Variants in CEP95 observed in about 807,000 individuals in gnomAD.
CEP95 encodes the protein centrosomal protein 95.
A neutral mutation model predicts 111.2 loss-of-function variants in CEP95; 98 were observed. The ratio of observed to expected loss-of-function variants is 0.88; its 90% CI spans 0.75 to 1.04. The LOEUF is 1.04. Ranked by LOEUF, CEP95 falls within the 50% of genes least tolerant of loss-of-function variation. The probability of loss-of-function intolerance (pLI) is 0.00; values close to 1 mark genes in which losing one functional copy is unlikely to be tolerated. For missense variants in CEP95, 1,027 were observed against 977.2 expected, an observed-to-expected ratio of 1.05 and a Z score of -0.68; for synonymous variants, 323 against 327.1, an observed-to-expected ratio of 0.99 and a Z score of 0.14.
At position 64,519,359 on chromosome 17, in the gene CEP95, A is replaced by G; in HGVS notation, c.512A>G (p.Asp171Gly). 1.2e-6 allele frequency: 2 copies of G among 1,613,738 alleles called. No individual in the cohort carries two copies. The highest frequency in any genetic ancestry group is 1.7e-6 in the Non-Finnish European group (2 of 1,179,704). The change falls in exon 6 of 20, where the codon GAT becomes GGT. Residue 171 changes from aspartate (D) to glycine (G), a missense_variant. Transcript: ENST00000556440. ...LSSEMLGPSW[D>G]GDEAESTGEI... is the part of the protein sequence containing the mutation. ...TCTGAGATGTTGGGCCCCTCTTGGG[A>G]TGGAGATGAAGCAGAATCCACTGGT... is the stretch of plus-strand genomic sequence containing the variant.
intron 10 of CEP95, 183 bp from the exon 11 acceptor site, chr17:64,526,928 C>G: frequency 2.2e-6 from 1 of 460,932 alleles, no homozygotes. Context: ...CCACTGCACT[C>G]CAGCCTGGGT....
chr17:64,507,029 A>C lies in CEP95; in HGVS notation c.-69A>C. 1 of 1,541,074 alleles carries C rather than the reference A, an allele frequency of 6.5e-7. No homozygotes were observed. Among genetic ancestry groups the C allele is most frequent in the South Asian group, 1.2e-5 (1 of 83,836 alleles). On this transcript the variant is annotated 5_prime_UTR_variant, in exon 1 of 20. Coordinates refer to ENST00000556440, the MANE Select transcript of CEP95 (RefSeq NM_138363.3). The stretch of plus-strand genomic sequence containing the variant: ...GCGCCCCAGTGTCGGGTCTGCGTGG[A>C]TCGGTCCTTCCAGGACACCGTCGCC...
chr17:64,517,465 A>G (rs1555676640), intron 5 of CEP95, among the ~76,000 whole-genome samples: 1 of 152,158 alleles, frequency 6.6e-6, no homozygotes, highest in East Asian at 1.9e-4. Flanking sequence ...ATTTTGTTAA[A>G]TTTTTTAGTC....
chr17:64,508,343 T>G (rs542476455), intron 1 of CEP95: 1 of 1,014,286 alleles, frequency 9.9e-7, no homozygotes, highest in Non-Finnish European at 1.2e-6. Context: ...CAGTATCAAT[T>G]GAATTTGCAG....
At chr17:64,532,804 G>C (rs1555680570) in intron 14 of CEP95, 35 bp from the exon 15 acceptor site, 1 of 1,588,784 alleles carries the variant, frequency 6.3e-7, no homozygotes. Context: ...TCTTGTCCAC[G>C]TCTCAGATTA....
intron 2 of CEP95, 110 bp downstream of exon 2, chr17:64,508,830 TTTC>T (rs879966419): frequency 2.8e-5 from 10 of 355,022 alleles, no homozygotes; most frequent in Admixed American, 1.5e-4. Context: ...TCTTTGCTTG[TTTC>T]TTTTTTTAAT....
chr17:64,507,951 C>A, intron 1 of CEP95: 2 of 984,764 alleles, frequency 2.0e-6, no homozygotes, highest in Non-Finnish European at 2.4e-6. Flanking sequence ...GAATGTGGTA[C>A]GCAGGAAACG....
chr17:64,527,083 A>T, intron 10 of CEP95, 28 bp from the exon 11 acceptor site: 1 of 1,596,342 alleles, frequency 6.3e-7, no homozygotes. Flanking sequence ...AAATCAGTGA[A>T]AGATGTTGAA....
In CEP95 at chr17:64,526,177, C is replaced by A; in HGVS notation, c.1129C>A (p.Gln377Lys). The A allele has an allele frequency of 2.5e-6, 4 of 1,612,872 alleles. No homozygotes were observed. Among genetic ancestry groups the A allele is most frequent in the South Asian group, 1.1e-5 (1 of 90,746 alleles). ...ACATGATGTATCAGAAAAACTCTCTCAGCGGCTTTCTGAACTAGATTGGGC... is the reference window on the plus strand; with the variant it reads ...ACATGATGTATCAGAAAAACTCTCTAAGCGGCTTTCTGAACTAGATTGGGC... ...ELHDVSEKLSQRLSELDWMLK... is the reference protein window; with the variant it reads ...ELHDVSEKLSKRLSELDWMLK... The change falls in exon 10 of 20, where the codon CAG (glutamine) becomes AAG (lysine). Residue 377 changes from glutamine (Q) to lysine (K), a missense_variant. Transcript: ENST00000556440.
chr17:64,537,436 T>A, intron 19 of CEP95, 167 bp from the exon 20 acceptor site: 2 of 1,380,620 alleles, frequency 1.4e-6, no homozygotes, highest in South Asian at 1.9e-5. Flanking sequence ...ACCCAAGACA[T>A]TTTTATCCTA....
intron 5 of CEP95, among the ~76,000 whole-genome samples, chr17:64,517,398 G>A (rs192113759): frequency 6.6e-6 from 1 of 152,074 alleles, no homozygotes; most frequent in Admixed American, 6.5e-5. Context: ...CAAAAAACTT[G>A]CAAAATAGAA....
At chr17:64,535,813 G>A (rs1555681408) in intron 17 of CEP95, 3 of 152,170 alleles carry the variant, frequency 2.0e-5, no homozygotes. Context: ...ACAACCCAAA[G>A]TGTCCATCAG....
intron 4 of CEP95, among the ~76,000 whole-genome samples, chr17:64,515,370 C>G (rs782796811): frequency 3.3e-5 from 5 of 152,162 alleles, no homozygotes; most frequent in Non-Finnish European, 7.3e-5. Flanking sequence ...GTGTACCTTT[C>G]TAGTCTTTTT....
intron 11 of CEP95, among the ~76,000 whole-genome samples, chr17:64,528,379 T>C (rs1256414456): frequency 6.6e-6 from 1 of 152,220 alleles, no homozygotes; most frequent in Non-Finnish European, 1.5e-5. Flanking sequence ...AGGACTCAGC[T>C]AATTTCTAGG....
Position 64,508,621 on chromosome 17 carries a change from T to A in CEP95, c.49T>A (p.Phe17Ile), listed in dbSNP as rs782821073. ...GGTAACCATTGCCAATAACCTTCTT[T>A]TTAAGTGTCATATACATCTGAGAAT... Reference protein sequence around the residue: ...EWVTIANNLLFKCHIHLRIHE... With the variant: ...EWVTIANNLLIKCHIHLRIHE... Residue 17 changes from phenylalanine (F) to isoleucine (I), a missense_variant, in exon 2 of 20, where the codon TTT becomes ATT. Physicochemically the swap from Phe to Ile is conservative, Grantham distance 21. Coordinates refer to ENST00000556440, the MANE Select transcript of CEP95 (RefSeq NM_138363.3). 1 of 1,438,310 alleles carries A rather than the reference T, an allele frequency of 7.0e-7. No homozygotes were observed. 89.1% of individuals were successfully genotyped at this position (1,438,310 alleles called of 1,614,324 possible). A position where few individuals can be genotyped will look rare whatever the true frequency, so the allele number is the denominator to read the frequency against.
chr17:64,509,890 T>C (rs1307416895), intron 2 of CEP95, among the ~76,000 whole-genome samples: 3 of 151,716 alleles, frequency 2.0e-5, no homozygotes, highest in East Asian at 1.9e-4. Flanking sequence ...AGCATATTCA[T>C]GTATATCTAT....
At chr17:64,507,217 T>TC (rs2038595073) in intron 1 of CEP95, 101 bp downstream of exon 1, 2 of 1,531,476 alleles carry the variant, frequency 1.3e-6, no homozygotes, top group African/African-American at 2.8e-5. Flanking sequence ...TCGGCGGGGC[T>TC]CGTGACCTTC....
At chr17:64,512,127 C>T (rs948709594) in intron 3 of CEP95, among the ~76,000 whole-genome samples, 8 of 152,190 alleles carry the variant, frequency 5.3e-5, no homozygotes, top group African/African-American at 1.9e-4. Flanking sequence ...GGAACAATCT[C>T]TAGCATATGT....
In CEP95 at chr17:64,527,160, A is replaced by C; in HGVS notation, c.1202A>C (p.Lys401Thr). 1 of 1,613,572 alleles carries C rather than the reference A, an allele frequency of 6.2e-7. No homozygotes were observed. Among genetic ancestry groups the C allele is most frequent in the Non-Finnish European group, 8.5e-7 (1 of 1,179,610 alleles). The change falls in exon 11 of 20, where the codon AAA becomes ACA. Residue 401 changes from lysine (K) to threonine (T), a missense_variant. Coordinates refer to ENST00000556440, the MANE Select transcript of CEP95 (RefSeq NM_138363.3). ...GDRIKEKTDH[K>T]EENTGNEEVE... ...CGGATTAAAGAAAAGACTGACCATA[A>C]AGAAGAAAATACTGGAAATGAGGAG...
Sources: allele counts gnomAD v4.1 joint callset (sites outside exome capture counted in the v4.1 genomes callset), GRCh38; gene constraint gnomAD v4.1.1; transcripts MANE v1.5; gene names NCBI Gene and HGNC (gene_info 2026-07-23, HGNC 2026-07-21).